The following HSD17B3 variants were observed in gnomAD, a reference collection of about 807,000 sequenced individuals.
HSD17B3 encodes 17-beta-hydroxysteroid dehydrogenase type 3.
In HSD17B3, 29 loss-of-function variants were observed where a neutral mutation model predicts 41.1. The observed-to-expected ratio is 0.71, with a 90% CI of 0.53 to 0.96. The LOEUF (loss-of-function observed/expected upper bound fraction) is 0.96. HSD17B3 is among the 40% of genes least tolerant of loss of function. The pLI is 0.00. For synonymous variants in HSD17B3, 126 were observed against 145.6 expected (o/e 0.87, Z 0.97); for missense variants, 323 against 374.6 (o/e 0.86, Z 1.14).
At chr9:96,260,954 C>T (rs1825833784) in intron 2 of HSD17B3, among the ~76,000 whole-genome samples, 1 of 152,086 alleles carries the variant, frequency 6.6e-6, no homozygotes, top group South Asian at 2.1e-4. Context: ...AGTCCCTTCC[C>T]GTCTTGTTTC....
At chr9:96,258,154 T>C (rs1351357253) in intron 2 of HSD17B3, among the ~76,000 whole-genome samples, 2 of 152,258 alleles carry the variant, frequency 1.3e-5, no homozygotes, top group Non-Finnish European at 2.9e-5. Context: ...GCAAGTATTT[T>C]CTACTTTGTT....
chr9:96,241,832 G>A (rs368391062), intron 9 of HSD17B3, among the ~76,000 whole-genome samples: 1 of 151,846 alleles, frequency 6.6e-6, no homozygotes, highest in Non-Finnish European at 1.5e-5. Flanking sequence ...CTACTTAGGA[G>A]GCTGAGGCAG....
rs916282490 is a variant in HSD17B3 at position 96,246,516 on chromosome 9, G to A, written c.524+40C>T. On this transcript the variant is annotated intron_variant, in intron 7 of 10. Transcript: ENST00000375263. ...TGAGTTAGCTGACCGCCAGGGCAGG[G>A]AGGCCATGTTGCTCCACACTTTTTT... 3.7e-6 allele frequency: 6 copies of A among 1,602,404 alleles called. No homozygotes were observed. In the African/African-American group the frequency reaches 5.4e-5, roughly 14 times the overall value.
In HSD17B3 at chr9:96,290,456, C is replaced by CCTTTTTTTTT. The variant is rs747479797; in HGVS notation, c.201+7959_201+7960insAAAAAAAAAG. The stretch of plus-strand genomic sequence containing the variant: ...GAAGGGCACTGTGGTATTTCCTGGG[C>CCTTTTTTTTT]TTTTTTTTTTTTTTTTTTTTTTTCC... On this transcript the variant is annotated intron_variant, in intron 2 of 10. Transcript: ENST00000375263. 5.1e-5 allele frequency among the ~76,000 whole-genome samples: 4 copies of CCTTTTTTTTT among 78,416 alleles called. 2 individuals are homozygous for CCTTTTTTTTT. The highest frequency in any genetic ancestry group is 8.7e-5 in the Non-Finnish European group (4 of 46,052). The allele number at this position is 78,416 out of a possible 152,430, so 51.4% of individuals were successfully genotyped here.
chr9:96,298,553 A>AG, intron 1 of HSD17B3, 91 bp from the exon 2 acceptor site: 1 of 1,062,590 alleles, frequency 9.4e-7, no homozygotes, highest in African/African-American at 1.5e-5. Flanking sequence ...CCTAGTCTCC[A>AG]GGGCAGTCAG....
chr9:96,242,525 T>C (rs553942878), intron 9 of HSD17B3, among the ~76,000 whole-genome samples: 1 of 152,278 alleles, frequency 6.6e-6, no homozygotes, highest in East Asian at 1.9e-4. Context: ...CAAACCCAAC[T>C]CCACAGTACA....
At chr9:96,289,682 T>A (rs1048770242) in intron 2 of HSD17B3, among the ~76,000 whole-genome samples, 1 of 152,224 alleles carries the variant, frequency 6.6e-6, no homozygotes, top group African/African-American at 2.4e-5. Flanking sequence ...AGAGGTTCCA[T>A]GTGAAGTGGT....
intron 2 of HSD17B3, among the ~76,000 whole-genome samples, chr9:96,278,341 T>C (rs960718751): frequency 6.6e-6 from 1 of 152,212 alleles, no homozygotes; most frequent in African/African-American, 2.4e-5. Context: ...ATGGTGATTA[T>C]TTCACAATGT....
At chr9:96,261,767 T>C (rs1379101451) in intron 2 of HSD17B3, among the ~76,000 whole-genome samples, 1 of 152,212 alleles carries the variant, frequency 6.6e-6, no homozygotes, top group Non-Finnish European at 1.5e-5. Flanking sequence ...CCCATCTCCC[T>C]ACTCCTCAGA....
intron 2 of HSD17B3, among the ~76,000 whole-genome samples, chr9:96,266,949 T>C (rs1826062717): frequency 6.6e-6 from 1 of 152,084 alleles, no homozygotes; most frequent in Admixed American, 6.5e-5. Flanking sequence ...CTTGAGGCAC[T>C]TGCTTAGGAC....
intron 9 of HSD17B3, among the ~76,000 whole-genome samples, chr9:96,243,032 C>T (rs1367590847): frequency 6.6e-6 from 1 of 152,196 alleles, no homozygotes; most frequent in Non-Finnish European, 1.5e-5. Flanking sequence ...CTAGAACTTC[C>T]CACTCCTTTT....
intron 2 of HSD17B3, among the ~76,000 whole-genome samples, chr9:96,281,876 C>T (rs891352621): frequency 4.6e-5 from 7 of 152,162 alleles, no homozygotes; most frequent in Non-Finnish European, 8.8e-5. Context: ...GCAATGCTTT[C>T]CTTTCTGTCT....
At position 96,252,823 on chromosome 9, in the gene HSD17B3, C is replaced by A. The variant is rs1825474448; in HGVS notation, c.365G>T (p.Gly122Val). 6.2e-7 allele frequency: 1 copy of A among 1,609,076 alleles called. No individual in the cohort carries two copies. The highest frequency in any genetic ancestry group is 8.5e-7 in the Non-Finnish European group (1 of 1,175,516). Residue 122 changes from glycine to valine, a missense_variant, in exon 4 of 11, where the codon GGC (glycine) becomes GTC (valine). Gly to Val is a moderately radical substitution (Grantham distance 109). Transcript: ENST00000375263. ...IYEHIKEKLA[G>V]LEIGILVNNV... Reference sequence around the variant, plus strand: ...CTCACCTAAAATTCCAATTTCTAAGCCTGCAAGTTTTTCTTTAATATGCTC... The same window carrying A: ...CTCACCTAAAATTCCAATTTCTAAGACTGCAAGTTTTTCTTTAATATGCTC...
chr9:96,273,468 G>A (rs1826339331), intron 2 of HSD17B3, among the ~76,000 whole-genome samples: 1 of 152,170 alleles, frequency 6.6e-6, no homozygotes, highest in African/African-American at 2.4e-5. Context: ...CCTCATGGGA[G>A]AAAAGGAGAG....
intron 2 of HSD17B3, among the ~76,000 whole-genome samples, chr9:96,290,425 C>A (rs1446911594): frequency 1.4e-5 from 2 of 146,228 alleles, no homozygotes; most frequent in Admixed American, 1.4e-4. Context: ...GGCCTCGGAA[C>A]CTGAGGAAGG....
At chr9:96,260,914 C>T (rs1825831830) in intron 2 of HSD17B3, among the ~76,000 whole-genome samples, 1 of 152,212 alleles carries the variant, frequency 6.6e-6, no homozygotes, top group Non-Finnish European at 1.5e-5. Flanking sequence ...GCCCGCCTCT[C>T]ACCTCACAGT....
chr9:96,265,208 G>A (rs193136011), intron 2 of HSD17B3, among the ~76,000 whole-genome samples: 99 of 143,358 alleles, frequency 6.9e-4, no homozygotes, highest in Admixed American at 2.5e-3. Flanking sequence ...CTGACCTCCA[G>A]GTGACATGGT....
intron 2 of HSD17B3, among the ~76,000 whole-genome samples, chr9:96,286,363 T>G (rs567171554): frequency 3.6e-4 from 53 of 146,506 alleles, no homozygotes; most frequent in Admixed American, 1.4e-4. Context: ...AAAAAACAGG[T>G]TGCAGTGAAG....
In HSD17B3 at chr9:96,278,397, A is replaced by C. The variant is rs1171872927; in HGVS notation, c.201+20019T>G. 2.0e-5 allele frequency among the ~76,000 whole-genome samples: 3 copies of C among 152,350 alleles called. No individual in the cohort carries two copies. The East Asian group carries it at 5.8e-4, about 29-fold the overall frequency. ...AGAAGTCATACACTTAAATATATACAATTTTTATTTGTCAATTATTCATCA... is the reference window on the plus strand; with the variant it reads ...AGAAGTCATACACTTAAATATATACCATTTTTATTTGTCAATTATTCATCA... On this transcript the variant is annotated intron_variant, in intron 2 of 10. Transcript: ENST00000375263.
Sources: gnomAD v4.1 joint callset for allele counts (sites outside exome capture counted in the v4.1 genomes callset) on GRCh38, gnomAD v4.1.1 for gene constraint, MANE v1.5 for transcripts, NCBI Gene and HGNC (gene_info 2026-07-23, HGNC 2026-07-21) for gene names.